The following MALRD1 variants were observed in gnomAD, a reference collection of about 807,000 sequenced individuals.
MALRD1 encodes MAM and LDL receptor class A domain containing 1, also known as MAM and LDL-receptor class A domain-containing protein 1.
A neutral mutation model predicts 242.1 loss-of-function variants in MALRD1; 247 were observed. That is an observed-to-expected ratio of 1.02 (90% CI 0.92 to 1.13). MALRD1 has a LOEUF of 1.13. MALRD1 is among the 50% of genes most tolerant of loss of function. MALRD1 has a pLI of 0.00. For synonymous variants in MALRD1, 995 were observed against 866.6 expected (o/e 1.15, Z -2.60); for missense variants, 2,989 against 2,533.1 (o/e 1.18, Z -3.86).
intron 26 of MALRD1, among the ~76,000 whole-genome samples, chr10:19,355,053 A>G (rs887699042): frequency 1.3e-5 from 2 of 152,200 alleles, no homozygotes; most frequent in African/African-American, 4.8e-5. Context: ...TAGGAGGGAA[A>G]GATCCCTTCA....
chr10:19,078,689 A>T (rs143585275), intron 2 of MALRD1, among the ~76,000 whole-genome samples: 66 of 151,360 alleles, frequency 4.4e-4, no homozygotes, highest in African/African-American at 1.5e-3. Flanking sequence ...TTACTGATTT[A>T]CTCTCTTGTT....
intron 31 of MALRD1, among the ~76,000 whole-genome samples, chr10:19,527,593 G>T (rs946228949): frequency 2.6e-5 from 4 of 152,094 alleles, no homozygotes; most frequent in Non-Finnish European, 5.9e-5. Context: ...TTCTGAGATG[G>T]AAGTACATTA....
intron 33 of MALRD1, among the ~76,000 whole-genome samples, chr10:19,586,673 C>G (rs1051915886): frequency 6.6e-6 from 1 of 152,218 alleles, no homozygotes; most frequent in African/African-American, 2.4e-5. Context: ...TTACTGCTGT[C>G]TTTTTGTTTG....
At chr10:19,666,506 A>G (rs1841691110) in intron 36 of MALRD1, among the ~76,000 whole-genome samples, 1 of 152,156 alleles carries the variant, frequency 6.6e-6, no homozygotes, top group African/African-American at 2.4e-5. Context: ...ACCCATTTTT[A>G]CATATTTCAT....
chr10:19,235,578 C>CAG (rs34117417), intron 18 of MALRD1, among the ~76,000 whole-genome samples: 4,874 of 132,324 alleles, frequency 0.037, 138 homozygotes, highest in East Asian at 0.13. Context: ...CCCACACCCA[C>CAG]AGAGAGAGAG....
intron 29 of MALRD1, among the ~76,000 whole-genome samples, chr10:19,466,906 G>A (rs1836241841): frequency 6.6e-6 from 1 of 151,984 alleles, no homozygotes; most frequent in Admixed American, 6.6e-5. Context: ...TCATAACTCC[G>A]TGCTGAAAAA....
In MALRD1 at chr10:19,142,626, G is replaced by A. The variant is rs561118560; in HGVS notation, c.1412-3572G>A. ...ATATCTCATACTGCGCTTAGAGATG[G>A]TGAAGCGTATTCTGTAATCACAGAA... On this transcript the variant is annotated intron_variant, in intron 10 of 39. Coordinates refer to ENST00000454679, the MANE Select transcript of MALRD1 (RefSeq NM_001142308.3). Among the ~76,000 whole-genome samples, 3 of 152,310 alleles carry A rather than the reference G, an allele frequency of 2.0e-5. No individual in the cohort carries two copies. In the East Asian group the frequency reaches 5.8e-4, roughly 29 times the overall value.
chr10:19,215,430 G>A lies in MALRD1; in HGVS notation c.2991+5750G>A, dbSNP rs1445075142. Among the ~76,000 whole-genome samples the A allele has an allele frequency of 2.6e-5, 4 of 152,260 alleles. No homozygotes were observed. In the East Asian group the frequency reaches 7.7e-4, roughly 29 times the overall value. On this transcript the variant is annotated intron_variant, in intron 18 of 39. Coordinates refer to ENST00000454679, the MANE Select transcript of MALRD1 (RefSeq NM_001142308.3). ...AGGTTAATTTTTTTCCTTGCAAATT[G>A]ATATGGATGGTCTGTCCCTGTGGAC... is the stretch of plus-strand genomic sequence containing the variant.
intron 21 of MALRD1, among the ~76,000 whole-genome samples, chr10:19,313,966 A>G (rs1232605328): frequency 6.6e-6 from 1 of 151,550 alleles, no homozygotes; most frequent in East Asian, 1.9e-4. Context: ...GGAAAGAGAA[A>G]TCTAAAAGCA....
At chr10:19,623,618 A>T (rs1164851203) in intron 36 of MALRD1, among the ~76,000 whole-genome samples, 1 of 152,110 alleles carries the variant, frequency 6.6e-6, no homozygotes, top group African/African-American at 2.4e-5. Flanking sequence ...AGAACTGGGG[A>T]TGGCTGGTGT....
In MALRD1 at chr10:19,331,509, C is replaced by A. The variant is rs752133698; in HGVS notation, c.3828C>A (p.Cys1276Ter). 2 of 1,550,168 alleles carry A rather than the reference C, an allele frequency of 1.3e-6. No homozygotes were observed. The highest frequency in any genetic ancestry group is 1.7e-6 in the Non-Finnish European group (2 of 1,146,826). Reference protein sequence around the residue: ...DHEFMCANKHCIAKDKLCDFV... With the variant: ...DHEFMCANKH ...AATTCATGTGTGCTAATAAGCACTG[C>A]ATTGCCAAAGACAAGCTGTGTGATT... The change falls in exon 24 of 40, where the codon TGC (cysteine) becomes TGA (stop). Residue 1276 changes from cysteine (C) to a stop codon, truncating the protein, a stop_gained. Transcript: ENST00000454679. LOFTEE classifies it high-confidence loss of function.
In MALRD1 at chr10:19,535,132, C is replaced by T. The variant is rs935521734; in HGVS notation, c.5478+3781C>T. On this transcript the variant is annotated intron_variant, in intron 32 of 39. Coordinates refer to ENST00000454679, the MANE Select transcript of MALRD1 (RefSeq NM_001142308.3). ...ATCTCCTGACCTAGTGATTCGCCCA[C>T]CTAGGCCTCCCAAAGTGCTGGGATT... Among the ~76,000 whole-genome samples, 5 of 152,124 alleles carry T rather than the reference C, an allele frequency of 3.3e-5. 1 individual carries two copies. Among genetic ancestry groups the T allele is most frequent in the Non-Finnish European group, 5.9e-5 (4 of 68,032 alleles).
At position 19,399,665 on chromosome 10, in the gene MALRD1, A is replaced by G. The variant is rs144374767; in HGVS notation, c.4845+10056A>G. Among the ~76,000 whole-genome samples, 31 of 152,330 alleles carry G rather than the reference A, an allele frequency of 2.0e-4. 1 individual carries two copies. The East Asian group carries it at 5.8e-3, about 28-fold the overall frequency. On this transcript the variant is annotated intron_variant, in intron 28 of 39. Coordinates refer to ENST00000454679, the MANE Select transcript of MALRD1 (RefSeq NM_001142308.3). ...AATTAAAATGGCAATAATCTTAGATATCTTATCTCTGTAAGAAATGAATAT... is the reference window on the plus strand; with the variant it reads ...AATTAAAATGGCAATAATCTTAGATGTCTTATCTCTGTAAGAAATGAATAT...
intron 32 of MALRD1, among the ~76,000 whole-genome samples, chr10:19,534,614 T>G (rs1489445103): frequency 6.6e-6 from 1 of 152,060 alleles, no homozygotes; most frequent in African/African-American, 2.4e-5. Flanking sequence ...CAAGTCCTTT[T>G]TCCCCCTTCT....
intron 23 of MALRD1, among the ~76,000 whole-genome samples, 192 bp from the exon 24 acceptor site, chr10:19,331,177 G>A (rs1399027187): frequency 6.6e-6 from 1 of 152,078 alleles, no homozygotes; most frequent in Non-Finnish European, 1.5e-5. Context: ...AGGTGTTGAG[G>A]ATGACCTAGG....
intron 4 of MALRD1, among the ~76,000 whole-genome samples, chr10:19,100,335 AT>A (rs1836207195): frequency 6.6e-6 from 1 of 152,210 alleles, no homozygotes; most frequent in South Asian, 2.1e-4. Context: ...TTCATCAGTT[AT>A]ACCAAGTTAA....
chr10:19,339,819 C>T (rs1843763963), intron 24 of MALRD1, among the ~76,000 whole-genome samples: 1 of 152,056 alleles, frequency 6.6e-6, no homozygotes, highest in South Asian at 2.1e-4. Flanking sequence ...GCTATAAAGA[C>T]ATATTTGAGA....
chr10:19,200,720 A>C (rs999469959), intron 14 of MALRD1, among the ~76,000 whole-genome samples: 1 of 149,856 alleles, frequency 6.7e-6, no homozygotes, highest in African/African-American at 2.5e-5. Context: ...GAGCTCAAAA[A>C]AATGACAGGG....
intron 26 of MALRD1, among the ~76,000 whole-genome samples, chr10:19,369,935 T>C (rs1052724860): frequency 2.0e-5 from 3 of 152,112 alleles, no homozygotes; most frequent in African/African-American, 7.2e-5. Context: ...TATTAACCTT[T>C]TTCTATAATG....
Sources: gnomAD v4.1 joint callset for allele counts (sites outside exome capture counted in the v4.1 genomes callset) on GRCh38, gnomAD v4.1.1 for gene constraint, MANE v1.5 for transcripts, NCBI Gene and HGNC (gene_info 2026-07-23, HGNC 2026-07-21) for gene names.